The following ZMYND12 variants were observed in gnomAD, a reference collection of about 807,000 sequenced individuals.
ZMYND12 encodes the protein zinc finger MYND-type containing 12.
ZMYND12 carries 32 observed loss-of-function variants against 41.7 expected under a neutral mutation model. The observed-to-expected ratio is 0.77, with a 90% CI of 0.58 to 1.03. The LOEUF (loss-of-function observed/expected upper bound fraction) is 1.03. Among genes scored for constraint, ZMYND12 ranks in the 50% least tolerant of loss-of-function variants. The pLI, the probability that ZMYND12 is intolerant of heterozygous loss-of-function variation, is 0.00. For missense variants in ZMYND12, 424 were observed against 438.5 expected, an observed-to-expected ratio of 0.97 and a Z score of 0.30; for synonymous variants, 148 against 164.8, an observed-to-expected ratio of 0.90 and a Z score of 0.78.
intron 3 of ZMYND12, among the ~76,000 whole-genome samples, chr1:42,442,483 C>T (rs975988234): frequency 2.6e-5 from 4 of 152,170 alleles, no homozygotes; most frequent in African/African-American, 9.7e-5. Context: ...TTGTGTATTA[C>T]ATATCATCTT....
intron 3 of ZMYND12, among the ~76,000 whole-genome samples, chr1:42,440,452 C>T (rs767606022): frequency 1.6e-4 from 25 of 152,056 alleles, no homozygotes; most frequent in Non-Finnish European, 3.5e-4. Context: ...TCCATAGAGA[C>T]GGAAAGTAGA....
At chr1:42,433,036 GCT>G in intron 7 of ZMYND12, 105 bp downstream of exon 7, 1 of 1,428,756 alleles carries the variant, frequency 7.0e-7, no homozygotes, top group South Asian at 1.2e-5. Flanking sequence ...GTGAGGGCTT[GCT>G]CTGAGGGCAA....
intron 7 of ZMYND12, chr1:42,432,821 A>T (rs1332687550): frequency 3.9e-6 from 1 of 257,836 alleles, no homozygotes; most frequent in Non-Finnish European, 7.2e-6. Context: ...CAGGGAACTC[A>T]GTAACTGAGT....
chr1:42,437,840 C>T (rs1220901263), intron 4 of ZMYND12, among the ~76,000 whole-genome samples: 2 of 152,214 alleles, frequency 1.3e-5, no homozygotes, highest in East Asian at 1.9e-4. Flanking sequence ...TGCCACCACA[C>T]CCAGCTAATT....
In ZMYND12 at chr1:42,434,906, A is replaced by G. The variant is rs140233608; in HGVS notation, c.829+368T>C. 3.5e-3 allele frequency among the ~76,000 whole-genome samples: 529 copies of G among 152,176 alleles called. 5 individuals carry two copies. Among genetic ancestry groups the G allele is most frequent in the African/African-American group, 0.012 (503 of 41,510 alleles). Reference sequence around the variant, plus strand: ...TCCTCCCACGCCCCCCAGTCCATGGAAAAATTGTCTTCCATGAAACGGGTC... The same window carrying G: ...TCCTCCCACGCCCCCCAGTCCATGGGAAAATTGTCTTCCATGAAACGGGTC... On this transcript the variant is annotated intron_variant, in intron 6 of 7. Coordinates refer to ENST00000372565, the MANE Select transcript of ZMYND12 (RefSeq NM_032257.5).
intron 4 of ZMYND12, 68 bp from the exon 5 acceptor site, chr1:42,436,611 G>T: frequency 6.4e-7 from 1 of 1,564,856 alleles, no homozygotes; most frequent in Non-Finnish European, 8.7e-7. Context: ...TAAAGGACTT[G>T]TATCTAGAAT....
intron 7 of ZMYND12, chr1:42,432,713 A>G (rs1642865893): frequency 6.3e-6 from 1 of 157,626 alleles, no homozygotes; most frequent in South Asian, 2.0e-4. Flanking sequence ...ATAATTATGT[A>G]AAGGGTTTAG....
At chr1:42,432,025 TTTC>T (rs370441945) in intron 7 of ZMYND12, among the ~76,000 whole-genome samples, 37 of 151,568 alleles carry the variant, frequency 2.4e-4, no homozygotes, top group Middle Eastern at 3.4e-3. Context: ...CCAACTGCTT[TTTC>T]TTCTTCTTCT....
rs572175713 is a variant in ZMYND12 at position 42,437,250 on chromosome 1, A to C, written c.595-707T>G. 6.6e-5 allele frequency among the ~76,000 whole-genome samples: 10 copies of C among 152,296 alleles called. No individual in the cohort carries two copies. In the South Asian group the frequency reaches 2.1e-3, roughly 32 times the overall value. On this transcript the variant is annotated intron_variant, in intron 4 of 7. Coordinates refer to ENST00000372565, the MANE Select transcript of ZMYND12 (RefSeq NM_032257.5). ...CCTGAGAAGGCAAATTTGTAGAAAC[A>C]GGAAGTGGTTGCTGGGGCTGGAACA...
chr1:42,435,637 G>A (rs1642898342), intron 5 of ZMYND12: 5 of 362,406 alleles, frequency 1.4e-5, no homozygotes, highest in South Asian at 3.9e-5. Flanking sequence ...AATAACAGTG[G>A]TTATCTTTTG....
intron 6 of ZMYND12, among the ~76,000 whole-genome samples, chr1:42,434,532 C>G (rs1171039522): frequency 1.3e-5 from 2 of 152,108 alleles, no homozygotes; most frequent in Non-Finnish European, 1.5e-5. Flanking sequence ...AAAGCTTCAT[C>G]TGTATTTACA....
At chr1:42,441,525 T>C (rs1035763006) in intron 3 of ZMYND12, among the ~76,000 whole-genome samples, 1 of 152,276 alleles carries the variant, frequency 6.6e-6, no homozygotes, top group African/African-American at 2.4e-5. Flanking sequence ...GTAAATGCTA[T>C]GTAAATAGTT....
intron 3 of ZMYND12, among the ~76,000 whole-genome samples, chr1:42,444,571 C>T (rs1482742554): frequency 1.3e-5 from 2 of 152,136 alleles, no homozygotes; most frequent in East Asian, 1.9e-4. Context: ...TCAGATTCAA[C>T]ACATACTTAC....
At chr1:42,439,748 T>C in intron 4 of ZMYND12, 108 bp downstream of exon 4, 4 of 1,210,442 alleles carry the variant, frequency 3.3e-6, no homozygotes, top group Non-Finnish European at 4.6e-6. Flanking sequence ...AAACAGAAAG[T>C]TTTAGAGAAA....
At chr1:42,436,647 C>G in intron 4 of ZMYND12, 104 bp from the exon 5 acceptor site, 1 of 1,371,164 alleles carries the variant, frequency 7.3e-7, no homozygotes, top group South Asian at 1.4e-5. Flanking sequence ...TTACAACATT[C>G]CAATTTAAAA....
At chr1:42,445,690 G>A (rs1643016549) in intron 3 of ZMYND12, among the ~76,000 whole-genome samples, 1 of 152,096 alleles carries the variant, frequency 6.6e-6, no homozygotes, top group African/African-American at 2.4e-5. Context: ...AGAGAGACAA[G>A]GTGATAGAAT....
intron 3 of ZMYND12, among the ~76,000 whole-genome samples, chr1:42,442,180 T>C (rs562671387): frequency 6.6e-6 from 1 of 152,110 alleles, no homozygotes; most frequent in Non-Finnish European, 1.5e-5. Context: ...ACTAGAGGAT[T>C]TTCAAAAAGG....
chr1:42,453,279 T>C (rs769682358), intron 1 of ZMYND12, among the ~76,000 whole-genome samples: 4 of 152,144 alleles, frequency 2.6e-5, no homozygotes, highest in Non-Finnish European at 5.9e-5. Context: ...GATAAGGGCA[T>C]AGAAGATGAT....
intron 1 of ZMYND12, among the ~76,000 whole-genome samples, chr1:42,453,070 A>G (rs1240986555): frequency 6.6e-6 from 1 of 152,218 alleles, no homozygotes; most frequent in East Asian, 1.9e-4. Context: ...CTGTGTGCCA[A>G]CATGGTTCCA....
Sources: allele counts gnomAD v4.1 joint callset (sites outside exome capture counted in the v4.1 genomes callset), GRCh38; gene constraint gnomAD v4.1.1; transcripts MANE v1.5; gene names NCBI Gene and HGNC (gene_info 2026-07-23, HGNC 2026-07-21).